Variants in COL21A1 observed in about 807,000 individuals in gnomAD.
The protein encoded by COL21A1 is collagen alpha-1(XXI) chain.
Under a neutral mutation model 137.9 loss-of-function variants are expected in COL21A1, and 149 were observed. That is an observed-to-expected ratio of 1.08 (90% CI 0.95 to 1.24). The LOEUF (loss-of-function observed/expected upper bound fraction) is 1.24. Ranked by LOEUF, COL21A1 falls within the 50% of genes most tolerant of loss-of-function variation. COL21A1 has a pLI of 0.00. For synonymous variants in COL21A1, 456 were observed against 391.5 expected (o/e 1.16, Z -1.95); for missense variants, 1,167 against 1,158.4 (o/e 1.01, Z -0.11).
intron 3 of COL21A1, among the ~76,000 whole-genome samples, chr6:56,175,125 G>T (rs1777358693): frequency 6.6e-6 from 1 of 151,992 alleles, no homozygotes; most frequent in Middle Eastern, 3.2e-3. Context: ...AACAAGTAAG[G>T]AATAGAAGGA....
chr6:56,184,669 G>A (rs1254052827), intron 1 of COL21A1, among the ~76,000 whole-genome samples: 1 of 152,138 alleles, frequency 6.6e-6, no homozygotes, highest in Admixed American at 6.5e-5. Flanking sequence ...ACAATATGCT[G>A]GAGAGAAAAC....
intron 1 of COL21A1, among the ~76,000 whole-genome samples, chr6:56,228,271 A>G (rs998686770): frequency 6.6e-6 from 1 of 151,902 alleles, no homozygotes; most frequent in Non-Finnish European, 1.5e-5. Flanking sequence ...AGGAAGATGG[A>G]AAGTTTATGG....
intron 24 of COL21A1, among the ~76,000 whole-genome samples, chr6:56,063,005 C>T (rs1296456378): frequency 6.6e-6 from 1 of 152,122 alleles, no homozygotes; most frequent in Non-Finnish European, 1.5e-5. Context: ...GGTAGAGTGA[C>T]AGGTAACTAA....
At chr6:56,320,545 ACACC>A (rs1022116562) in intron 1 of COL21A1, among the ~76,000 whole-genome samples, 5 of 116,770 alleles carry the variant, frequency 4.3e-5, no homozygotes, top group African/African-American at 1.3e-4. Flanking sequence ...ACACACACAC[ACACC>A]CCTCCCACTC....
chr6:56,147,305 C>T (rs1361754902), intron 10 of COL21A1, among the ~76,000 whole-genome samples: 1 of 151,808 alleles, frequency 6.6e-6, no homozygotes, highest in Admixed American at 6.6e-5. Flanking sequence ...GCATTTATTA[C>T]CTATTTCTCC....
chr6:56,096,461 G>A (rs772070432), intron 17 of COL21A1, among the ~76,000 whole-genome samples: 29 of 152,174 alleles, frequency 1.9e-4, no homozygotes, highest in Non-Finnish European at 3.1e-4. Flanking sequence ...TCTATCTGGT[G>A]TTAGACCTGA....
intron 17 of COL21A1, among the ~76,000 whole-genome samples, chr6:56,080,257 T>A (rs1767632033): frequency 6.6e-6 from 1 of 151,744 alleles, no homozygotes; most frequent in Non-Finnish European, 1.5e-5. Flanking sequence ...AATGTCCAAG[T>A]AAAGACAGAA....
intron 10 of COL21A1, among the ~76,000 whole-genome samples, chr6:56,148,781 A>C (rs1283014963): frequency 6.6e-6 from 1 of 152,100 alleles, no homozygotes; most frequent in Non-Finnish European, 1.5e-5. Flanking sequence ...CTCTATCACC[A>C]TTCTTGAATA....
At chr6:56,166,812 TATTAA>T in intron 7 of COL21A1, 89 bp downstream of exon 7, 1 of 912,646 alleles carries the variant, frequency 1.1e-6, no homozygotes, top group Non-Finnish European at 1.8e-6. Context: ...TAAGTCTACA[TATTAA>T]ATTAATACTC....
intron 1 of COL21A1, among the ~76,000 whole-genome samples, chr6:56,389,930 G>C (rs1267567898): frequency 6.6e-6 from 1 of 152,128 alleles, no homozygotes; most frequent in African/African-American, 2.4e-5. Flanking sequence ...AAATGCTAAA[G>C]GGAGTTCCTC....
chr6:56,160,886 G>A (rs560770539), intron 9 of COL21A1, among the ~76,000 whole-genome samples: 22 of 152,178 alleles, frequency 1.4e-4, no homozygotes, highest in Admixed American at 5.2e-4. Context: ...TACGACGTTT[G>A]TAAGCCTTCA....
rs1462075066 is a variant in COL21A1 at position 56,182,558 on chromosome 6, A to T, written c.61T>A (p.Leu21Ile). 1 of 1,604,664 alleles carries T rather than the reference A, an allele frequency of 6.2e-7. No homozygotes were observed. The highest frequency in any genetic ancestry group is 1.1e-5 in the South Asian group (1 of 89,574). Residue 21 changes from leucine to isoleucine, a missense_variant, in exon 2 of 30, where the codon TTA becomes ATA. Transcript: ENST00000244728. Reference sequence around the variant, plus strand: ...GATCTTACTTCCCCATCTTCAGCTAACACAGAATTCTGAAGAAGCAGCACC... The same window carrying T: ...GATCTTACTTCCCCATCTTCAGCTATCACAGAATTCTGAAGAAGCAGCACC... The part of the protein sequence containing the change: ...VLVLLLQNSV[L>I]AEDGEVRSSC...
At chr6:56,109,096 TAAC>T (rs1480187654) in intron 16 of COL21A1, among the ~76,000 whole-genome samples, 23 of 151,724 alleles carry the variant, frequency 1.5e-4, no homozygotes, top group Non-Finnish European at 3.1e-4. Flanking sequence ...ATATTCAGTT[TAAC>T]TACTTAGATA....
At chr6:56,168,697 A>G (rs999722294) in intron 5 of COL21A1, among the ~76,000 whole-genome samples, 5 of 151,960 alleles carry the variant, frequency 3.3e-5, no homozygotes, top group Non-Finnish European at 7.4e-5. Context: ...AACAATCTTG[A>G]TCATTTTCAT....
At position 56,170,653 on chromosome 6, in the gene COL21A1, A is replaced by G; in HGVS notation, c.1022T>C (p.Val341Ala). ...SQVVTFANPQ[V>A]KTLFDEGWHQ... is the part of the protein sequence containing the mutation. ...TATTATCCCAGGCATCTTTACCTTAACTTGAGGGTTAGCAAAGGTAACCAC... is the reference window on the plus strand; with the variant it reads ...TATTATCCCAGGCATCTTTACCTTAGCTTGAGGGTTAGCAAAGGTAACCAC... The change falls in exon 5 of 30, where the codon GTT (valine) becomes GCT (alanine). Residue 341 changes from valine to alanine, a missense_variant. By Grantham distance (64) the Val-to-Ala change is moderately conservative. Transcript: ENST00000244728. 2 of 1,585,152 alleles carry G rather than the reference A, an allele frequency of 1.3e-6. No individual in the cohort carries two copies. The highest frequency in any genetic ancestry group is 1.7e-6 in the Non-Finnish European group (2 of 1,161,676).
chr6:56,214,307 A>C (rs1780354808), intron 1 of COL21A1, among the ~76,000 whole-genome samples: 1 of 152,106 alleles, frequency 6.6e-6, no homozygotes, highest in African/African-American at 2.4e-5. Context: ...GGCAACTTAA[A>C]ATATTTATCC....
chr6:56,175,856 C>T (rs1777427762), intron 3 of COL21A1, among the ~76,000 whole-genome samples: 1 of 152,072 alleles, frequency 6.6e-6, no homozygotes, highest in South Asian at 2.1e-4. Context: ...AAGCTGGAGG[C>T]CTCACACTTC....
intron 1 of COL21A1, among the ~76,000 whole-genome samples, chr6:56,258,015 T>G (rs868798900): frequency 1.3e-5 from 2 of 152,112 alleles, no homozygotes; most frequent in African/African-American, 4.8e-5. Flanking sequence ...TTTCTTTTAT[T>G]CTTAATGTTT....
chr6:56,102,987 TA>T (rs1770585224), intron 16 of COL21A1, among the ~76,000 whole-genome samples: 1 of 152,118 alleles, frequency 6.6e-6, no homozygotes, highest in African/African-American at 2.4e-5. Context: ...AAAGCTAGTT[TA>T]AAAAGCCTGA....
Sources: allele counts gnomAD v4.1 joint callset (sites outside exome capture counted in the v4.1 genomes callset), GRCh38; gene constraint gnomAD v4.1.1; transcripts MANE v1.5; gene names NCBI Gene and HGNC (gene_info 2026-07-23, HGNC 2026-07-21).